MCTP1: variants seen among roughly 807,000 people sequenced by gnomAD.
MCTP1 encodes the protein multiple C2 and transmembrane domain-containing protein 1.
Under a neutral mutation model 120.6 loss-of-function variants are expected in MCTP1, and 69 were observed. That is an observed-to-expected ratio of 0.57 (90% CI 0.47 to 0.70). MCTP1 has a LOEUF of 0.70. MCTP1 is among the 30% of genes least tolerant of loss of function. The pLI, the probability that MCTP1 is intolerant of heterozygous loss-of-function variation, is 0.00. For synonymous variants in MCTP1, 529 were observed against 493.1 expected, an observed-to-expected ratio of 1.07 and a Z score of -0.96; for missense variants, 1,203 against 1,248.8, an observed-to-expected ratio of 0.96 and a Z score of 0.55.
chr5:94,753,922 T>C (rs896125000), intron 19 of MCTP1, among the ~76,000 whole-genome samples: 4 of 152,108 alleles, frequency 2.6e-5, no homozygotes, highest in Admixed American at 1.3e-4. Flanking sequence ...TGAGGAAACA[T>C]TGAAATAATT....
At chr5:95,029,394 AT>A (rs1839879548) in intron 1 of MCTP1, among the ~76,000 whole-genome samples, 1 of 152,072 alleles carries the variant, frequency 6.6e-6, no homozygotes, top group Admixed American at 6.6e-5. Context: ...GTCCTTGTGA[AT>A]TTTCTTTCCT....
intron 1 of MCTP1, among the ~76,000 whole-genome samples, chr5:95,086,700 G>GA (rs1031469712): frequency 2.6e-5 from 4 of 152,064 alleles, no homozygotes; most frequent in African/African-American, 9.6e-5. Flanking sequence ...TTCATTTGAA[G>GA]AAAAAAATGC....
At chr5:94,804,608 T>A (rs1781922345) in intron 17 of MCTP1, among the ~76,000 whole-genome samples, 1 of 151,960 alleles carries the variant, frequency 6.6e-6, no homozygotes, top group South Asian at 2.1e-4. Context: ...CCGGCTAATT[T>A]TTTGTATTTT....
At chr5:95,070,239 C>T (rs1751794847) in intron 1 of MCTP1, among the ~76,000 whole-genome samples, 1 of 152,230 alleles carries the variant, frequency 6.6e-6, no homozygotes, top group African/African-American at 2.4e-5. Context: ...CTACCCTGAG[C>T]CCAGCTTGCC....
At chr5:94,757,189 A>G (rs1770110988) in intron 19 of MCTP1, among the ~76,000 whole-genome samples, 1 of 152,232 alleles carries the variant, frequency 6.6e-6, no homozygotes, top group Non-Finnish European at 1.5e-5. Context: ...ACACAAACAC[A>G]TACAACTGAG....
chr5:94,992,659 C>G (rs570213363), intron 2 of MCTP1, among the ~76,000 whole-genome samples: 2 of 152,308 alleles, frequency 1.3e-5, no homozygotes, highest in Non-Finnish European at 2.9e-5. Flanking sequence ...TAACAGATGG[C>G]AAATGGGAAT....
chr5:94,862,476 AC>A (rs1795994347), intron 17 of MCTP1, among the ~76,000 whole-genome samples: 2 of 151,868 alleles, frequency 1.3e-5, no homozygotes, highest in Non-Finnish European at 2.9e-5. Context: ...CTTAGCAGAT[AC>A]AAAAACAAAA....
intron 1 of MCTP1, among the ~76,000 whole-genome samples, chr5:95,171,383 T>G (rs904356342): frequency 1.3e-5 from 2 of 152,192 alleles, no homozygotes; most frequent in Non-Finnish European, 2.9e-5. Flanking sequence ...CTGACAATTA[T>G]GTGTCTTGGA....
intron 1 of MCTP1, among the ~76,000 whole-genome samples, chr5:95,220,553 G>C (rs369123898): frequency 5.9e-5 from 9 of 152,254 alleles, no homozygotes; most frequent in African/African-American, 2.2e-4. Context: ...TTGAGGCCAA[G>C]AGGGAACTGG....
intron 17 of MCTP1, among the ~76,000 whole-genome samples, chr5:94,807,268 T>C (rs555434335): frequency 1.3e-5 from 2 of 152,296 alleles, no homozygotes; most frequent in Admixed American, 6.5e-5. Flanking sequence ...GATATGCCTT[T>C]TGAGGAACTA....
chr5:94,886,338 T>G (rs1801317010), intron 12 of MCTP1, among the ~76,000 whole-genome samples: 1 of 152,222 alleles, frequency 6.6e-6, no homozygotes, highest in Non-Finnish European at 1.5e-5. Flanking sequence ...TGTAGTAAGA[T>G]TGATGGCTAC....
intron 2 of MCTP1, among the ~76,000 whole-genome samples, chr5:94,956,163 A>G (rs1185706937): frequency 6.6e-6 from 1 of 152,250 alleles, no homozygotes; most frequent in African/African-American, 2.4e-5. Context: ...GTTGAACTGC[A>G]GAAGAGGGAC....
rs73777313 is a variant in MCTP1, at chr5:95,150,131, T to A, written c.721-132647A>T. Among the ~76,000 whole-genome samples, 1,023 of 152,314 alleles carry A rather than the reference T, an allele frequency of 6.7e-3. 8 individuals are homozygous for A. The highest frequency in any genetic ancestry group is 0.024 in the African/African-American group (980 of 41,564). On this transcript the variant is annotated intron_variant, in intron 1 of 22. Transcript: ENST00000515393. ...GTCAGTCATCTTGAACCCATTTGTT[T>A]TTATATTTTTAAATGATTTTTGATG...
At chr5:95,068,750 C>T in intron 1 of MCTP1, 1 of 1,236,752 alleles carries the variant, frequency 8.1e-7, no homozygotes, top group Non-Finnish European at 1.0e-6. Flanking sequence ...ACCGAGCTAA[C>T]ACACTTTGTC....
chr5:94,966,032 A>AT (rs543966413), intron 2 of MCTP1, among the ~76,000 whole-genome samples: 41 of 152,284 alleles, frequency 2.7e-4, no homozygotes, highest in African/African-American at 9.4e-4. Context: ...AGTCCCAAGT[A>AT]TTTTTTTATA....
rs61324420 is a variant in MCTP1 at position 94,826,772 on chromosome 5, C to CTTTTTTTTTTTTTTT, written c.2437-27655_2437-27641dup. ...TCAGAGAGTAGGGTTGTGACCCCTG[C>CTTTTTTTTTTTTTTT]TTTTTTTTTTTTTTTTTTTTTTTTT... On this transcript the variant is annotated intron_variant, in intron 17 of 22. Coordinates refer to ENST00000515393, the MANE Select transcript of MCTP1 (RefSeq NM_024717.7). The CTTTTTTTTTTTTTTT allele has an allele frequency of 1.1e-3, 49 of 42,880 alleles. 3 individuals are homozygous for CTTTTTTTTTTTTTTT. Among genetic ancestry groups the CTTTTTTTTTTTTTTT allele is most frequent in the African/African-American group, 3.4e-3 (21 of 6,118 alleles). 2.7% of individuals were successfully genotyped at this position (42,880 alleles called of 1,614,324 possible). A position where few individuals can be genotyped will look rare whatever the true frequency, so the allele number is the denominator to read the frequency against.
At chr5:94,725,887 A>G (rs776012244) in intron 19 of MCTP1, among the ~76,000 whole-genome samples, 1 of 152,212 alleles carries the variant, frequency 6.6e-6, no homozygotes, top group Non-Finnish European at 1.5e-5. Context: ...TGCTTGGTAA[A>G]TATTAGTCGT....
At chr5:94,729,936 A>T (rs1039470982) in intron 19 of MCTP1, among the ~76,000 whole-genome samples, 1 of 152,236 alleles carries the variant, frequency 6.6e-6, no homozygotes, top group African/African-American at 2.4e-5. Flanking sequence ...AATAATTTAC[A>T]TTTTTAAAAT....
intron 1 of MCTP1, among the ~76,000 whole-genome samples, chr5:95,136,693 T>G (rs1562172166): frequency 6.6e-6 from 1 of 152,216 alleles, no homozygotes; most frequent in Admixed American, 6.5e-5. Flanking sequence ...ATGTAAATAC[T>G]ATTAGTATCC....
Sources: gnomAD v4.1 joint callset for allele counts (sites outside exome capture counted in the v4.1 genomes callset) on GRCh38, gnomAD v4.1.1 for gene constraint, MANE v1.5 for transcripts, NCBI Gene and HGNC (gene_info 2026-07-23, HGNC 2026-07-21) for gene names.